Variants in RIN2 observed in about 807,000 individuals in gnomAD.
RIN2 encodes the protein RAB5 interacting protein 2.
A neutral mutation model predicts 78.0 loss-of-function variants in RIN2; 36 were observed. The observed-to-expected ratio is 0.46, with a 90% CI of 0.35 to 0.61. The LOEUF is 0.61. Among genes scored for constraint, RIN2 ranks in the 20% least tolerant of loss-of-function variants. The pLI is 0.00. For missense variants in RIN2, 1,087 were observed against 1,159.7 expected, an observed-to-expected ratio of 0.94 and a Z score of 0.91; for synonymous variants, 466 against 466.8, an observed-to-expected ratio of 1.00 and a Z score of 0.02.
chr20:19,878,248 C>T (rs2037916735), intron 2 of RIN2, among the ~76,000 whole-genome samples: 1 of 152,170 alleles, frequency 6.6e-6, no homozygotes, highest in Non-Finnish European at 1.5e-5. Flanking sequence ...TCTGGAATCT[C>T]TTCCCGCGTG....
At chr20:19,868,408 T>C (rs1471991987) in intron 2 of RIN2, among the ~76,000 whole-genome samples, 2 of 152,224 alleles carry the variant, frequency 1.3e-5, no homozygotes, top group Non-Finnish European at 2.9e-5. Context: ...TGAAGATGTA[T>C]TTTATTGGAC....
rs373674116 is a variant in RIN2 at position 19,960,708 on chromosome 20, G to C, written c.360G>C (p.Leu120=). ...VLQAQPPGIF[L]VHKSTKMQKK... ...TCTTTTCCCTCCACTAGATCTTCCT[G>C]GTTCATAAATCTACCAAGATGCAGA... is the stretch of plus-strand genomic sequence containing the variant. The change falls in exon 6 of 13, where the codon CTG becomes CTC. Residue 120 remains leucine, a synonymous_variant. Coordinates refer to ENST00000255006, the MANE Select transcript of RIN2 (RefSeq NM_018993.4). 1.3e-6 allele frequency: 2 copies of C among 1,593,504 alleles called. No homozygotes were observed. The highest frequency in any genetic ancestry group is 2.7e-5 in the African/African-American group (2 of 74,498).
intron 9 of RIN2, among the ~76,000 whole-genome samples, chr20:19,989,541 G>A (rs563247748): frequency 6.6e-6 from 1 of 152,262 alleles, no homozygotes; most frequent in East Asian, 1.9e-4. Flanking sequence ...CTCCCAAAGT[G>A]CTGGGATTAC....
intron 6 of RIN2, 47 bp downstream of exon 6, chr20:19,960,858 G>T (rs1480374925): frequency 3.3e-6 from 4 of 1,194,408 alleles, no homozygotes; most frequent in African/African-American, 1.5e-5. Context: ...GGGCCACGGG[G>T]CTCTGCAGGG....
chr20:19,981,392 TA>T (rs2042448800), intron 9 of RIN2, among the ~76,000 whole-genome samples: 2 of 152,172 alleles, frequency 1.3e-5, no homozygotes, highest in African/African-American at 4.8e-5. Context: ...CCTGTAAAAT[TA>T]AAGATTCCCT....
At chr20:19,844,632 TC>T (rs2036693749) in intron 2 of RIN2, among the ~76,000 whole-genome samples, 1 of 128,200 alleles carries the variant, frequency 7.8e-6, no homozygotes, top group Non-Finnish European at 1.6e-5. Flanking sequence ...TTCTTCTTCT[TC>T]TTCTTCTTCT....
At chr20:19,905,856 C>T (rs2039197072) in intron 3 of RIN2, among the ~76,000 whole-genome samples, 1 of 152,178 alleles carries the variant, frequency 6.6e-6, no homozygotes, top group Admixed American at 6.5e-5. Context: ...CTGTATTGCC[C>T]CTATATAATA....
intron 3 of RIN2, among the ~76,000 whole-genome samples, chr20:19,929,542 A>G (rs994943680): frequency 7.9e-5 from 12 of 152,030 alleles, no homozygotes; most frequent in African/African-American, 2.7e-4. Context: ...TTGCATTTTT[A>G]GTAGAGATGG....
chr20:19,917,262 A>C (rs1259634631), intron 3 of RIN2, among the ~76,000 whole-genome samples: 1 of 152,180 alleles, frequency 6.6e-6, no homozygotes, highest in African/African-American at 2.4e-5. Context: ...TGTTTTACCA[A>C]GAATTGCACC....
rs755864961 is a variant in RIN2, at chr20:19,996,751, G to A, written c.2273G>A (p.Arg758Gln). 8.1e-6 allele frequency: 13 copies of A among 1,613,546 alleles called. No homozygotes were observed. The highest frequency in any genetic ancestry group is 1.6e-4 in the Middle Eastern group (1 of 6,084). Residue 758 changes from arginine (R) to glutamine (Q), a missense_variant, in exon 12 of 13, where the codon CGA becomes CAA. Arg to Gln is a conservative substitution (Grantham distance 43). Coordinates refer to ENST00000255006, the MANE Select transcript of RIN2 (RefSeq NM_018993.4). ...AATTTCCAAGAAGAACAAGCAGCGC[G>A]ACTGCTCAGCTCAGAAACCAGAGAC... ...IKNFQEEQAA[R>Q]LLSSETRDTL...
At chr20:19,836,651 G>T (rs987446191) in intron 2 of RIN2, among the ~76,000 whole-genome samples, 2 of 151,560 alleles carry the variant, frequency 1.3e-5, no homozygotes, top group Non-Finnish European at 2.9e-5. Flanking sequence ...CTCCTATTAG[G>T]GTTATATAAT....
chr20:19,846,024 G>A (rs2036771376), intron 2 of RIN2, among the ~76,000 whole-genome samples: 1 of 152,142 alleles, frequency 6.6e-6, no homozygotes, highest in South Asian at 2.1e-4. Flanking sequence ...GTTTGTCAAA[G>A]ATCAGATGGT....
chr20:19,781,143 C>T (rs962315497), intron 1 of RIN2, among the ~76,000 whole-genome samples: 3 of 152,144 alleles, frequency 2.0e-5, no homozygotes, highest in East Asian at 1.9e-4. Flanking sequence ...GCTGGAGACA[C>T]GTGACCTCAC....
rs73126126 is a variant in RIN2 at position 19,911,986 on chromosome 20, G to A, written c.57+22328G>A. Among the ~76,000 whole-genome samples the A allele has an allele frequency of 4.3e-3, 649 of 152,260 alleles. 1 individual carries two copies. Among genetic ancestry groups the A allele is most frequent in the Non-Finnish European group, 7.2e-3 (487 of 68,032 alleles). On this transcript the variant is annotated intron_variant, in intron 3 of 12. Transcript: ENST00000255006. Reference sequence around the variant, plus strand: ...GGGGCTGTCTGTGGTTTTGATGGAAGGATCTACAGGGCTCCCTTTTAGTTC... The same window carrying A: ...GGGGCTGTCTGTGGTTTTGATGGAAAGATCTACAGGGCTCCCTTTTAGTTC...
In RIN2 at chr20:19,975,537, C is replaced by T; in HGVS notation, c.1512C>T (p.Phe504=). 6.2e-7 allele frequency: 1 copy of T among 1,614,026 alleles called. No homozygotes were observed. The highest frequency in any genetic ancestry group is 1.1e-5 in the South Asian group (1 of 91,084). Residue 504 remains phenylalanine (F), a synonymous_variant, in exon 9 of 13, where the codon TTC becomes TTT. Transcript: ENST00000255006. The surrounding 1 kb of genome is among the most constrained non-coding windows in gnomAD (Gnocchi z 4.9). ...AGCTGCAGAAGGTGAGCGGGGTGTT[C>T]AGCTCCTTCATGACCCCGGAGAAGC... ...KSQLQKVSGV[F]SSFMTPEKRM...
chr20:19,804,233 T>A (rs1260782978), intron 2 of RIN2, among the ~76,000 whole-genome samples: 1 of 152,218 alleles, frequency 6.6e-6, no homozygotes, highest in Non-Finnish European at 1.5e-5. Context: ...TCCAATACTA[T>A]GTTGAATAGG....
intron 2 of RIN2, among the ~76,000 whole-genome samples, chr20:19,844,279 A>T (rs1203557124): frequency 2.0e-5 from 3 of 152,180 alleles, no homozygotes; most frequent in Non-Finnish European, 4.4e-5. Context: ...ATCTGGGACC[A>T]ACTATTCTAC....
intron 2 of RIN2, among the ~76,000 whole-genome samples, chr20:19,821,593 G>A (rs556437636): frequency 6.6e-6 from 1 of 152,248 alleles, no homozygotes; most frequent in South Asian, 2.1e-4. Flanking sequence ...ATAGTGGGCA[G>A]TATTGGATTT....
chr20:19,858,163 C>T (rs940327699), intron 2 of RIN2, among the ~76,000 whole-genome samples: 2 of 151,732 alleles, frequency 1.3e-5, no homozygotes, highest in African/African-American at 2.4e-5. Flanking sequence ...TTTTTATGTC[C>T]TGTTTAAGAC....
Sources: allele counts gnomAD v4.1 joint callset (sites outside exome capture counted in the v4.1 genomes callset), GRCh38; gene constraint gnomAD v4.1.1; non-coding constraint Gnocchi (gnomAD v3.1); transcripts MANE v1.5; gene names NCBI Gene and HGNC (gene_info 2026-07-23, HGNC 2026-07-21).